The following KANSL1 variants were observed in gnomAD, a reference collection of about 807,000 sequenced individuals.
KANSL1 encodes the protein MLL1/MLL complex subunit KANSL1.
In KANSL1, 22 loss-of-function variants were observed where a neutral mutation model predicts 103.6. The ratio of observed to expected loss-of-function variants is 0.21; its 90% confidence interval spans 0.15 to 0.30. The LOEUF (loss-of-function observed/expected upper bound fraction) is 0.30, where lower values mean the gene tolerates loss of function less well. KANSL1 is among the 10% of genes least tolerant of loss of function. The pLI is 1.00. For synonymous variants in KANSL1, 600 were observed against 527.6 expected (o/e 1.14, Z -1.88); for missense variants, 1,337 against 1,399.8 (o/e 0.96, Z 0.72).
chr17:46,035,579 A>C (rs1210251509), intron 10 of KANSL1: 1 of 152,178 alleles, frequency 6.6e-6, no homozygotes, highest in African/African-American at 2.4e-5. Flanking sequence ...GGTTAAACAG[A>C]CTTTTGGGGA....
At position 46,171,212 on chromosome 17, in the gene KANSL1, T is replaced by C. The variant is rs1555575305; in HGVS notation, c.932A>G (p.Lys311Arg). ...ATGTTGTATATGCCTCTCAACCTGC[T>C]TGGCTTGCACAACCTGTAAGCGCTT... ...LQKRLQVVQA[K>R]QVERHIQHQL... The change falls in exon 2 of 15, where the codon AAG (lysine) becomes AGG (arginine). Residue 311 changes from lysine (K) to arginine (R), a missense_variant. Lys to Arg is a conservative substitution (Grantham distance 26, BLOSUM62 2). Transcript: ENST00000432791. The C allele has an allele frequency of 1.2e-6, 2 of 1,614,014 alleles. No individual in the cohort carries two copies. Among genetic ancestry groups the C allele is most frequent in the South Asian group, 1.1e-5 (1 of 91,090 alleles).
intron 3 of KANSL1, among the ~76,000 whole-genome samples, chr17:46,083,354 G>A (rs894922840): frequency 6.6e-6 from 1 of 152,018 alleles, no homozygotes; most frequent in African/African-American, 2.4e-5. Context: ...AGTGATCAGG[G>A]TTCCCAATCT....
At chr17:46,052,624 A>T (rs1176066069) in intron 6 of KANSL1, among the ~76,000 whole-genome samples, 1 of 147,008 alleles carries the variant, frequency 6.8e-6, no homozygotes, top group Non-Finnish European at 1.5e-5. Context: ...AAACAAACAA[A>T]AAAACAAAAC....
intron 7 of KANSL1, among the ~76,000 whole-genome samples, chr17:46,048,815 T>A (rs1321992226): frequency 6.6e-6 from 1 of 152,244 alleles, no homozygotes; most frequent in East Asian, 1.9e-4. Context: ...GAATACTACA[T>A]AATGCTTTAA....
At chr17:46,125,097 GGAGA>G (rs1567702820) in intron 2 of KANSL1, among the ~76,000 whole-genome samples, 2 of 77,576 alleles carry the variant, frequency 2.6e-5, no homozygotes, top group Non-Finnish European at 2.8e-5. Context: ...AGGGAGGGAG[GGAGA>G]GAGGGAGGGA....
chr17:46,219,409 C>T (rs183000949), intron 1 of KANSL1, among the ~76,000 whole-genome samples: 8,130 of 133,204 alleles, frequency 0.061, no homozygotes, highest in Middle Eastern at 0.12. Flanking sequence ...ATCACCCAGG[C>T]TGGACTGCAG....
chr17:46,158,412 G>A, intron 2 of KANSL1, among the ~76,000 whole-genome samples: 1 of 151,212 alleles, frequency 6.6e-6, no homozygotes, highest in Non-Finnish European at 1.5e-5. Context: ...CAGCTGGAGT[G>A]CGGTGGCACG....
chr17:46,198,105 C>T (rs1389819809), upstream of KANSL1, among the ~76,000 whole-genome samples: 10 of 152,132 alleles, frequency 6.6e-5, no homozygotes, highest in East Asian at 1.9e-3. Context: ...AAAAGAGACA[C>T]ATCATAAGAA....
intron 1 of KANSL1, among the ~76,000 whole-genome samples, chr17:46,186,880 A>G (rs1597917298): frequency 6.6e-6 from 1 of 150,492 alleles, no homozygotes; most frequent in Non-Finnish European, 1.5e-5. Flanking sequence ...GGCATGCGCC[A>G]CCATGTCCAG....
chr17:46,095,447 T>C (rs2042020033), intron 2 of KANSL1, among the ~76,000 whole-genome samples: 1 of 152,140 alleles, frequency 6.6e-6, no homozygotes, highest in East Asian at 1.9e-4. Context: ...CCTCAAAACG[T>C]AGAACTAGAT....
At chr17:46,099,688 G>T (rs1182386376) in intron 2 of KANSL1, among the ~76,000 whole-genome samples, 1 of 152,208 alleles carries the variant, frequency 6.6e-6, no homozygotes, top group African/African-American at 2.4e-5. Context: ...TTAACTATGT[G>T]CCTGAGTAGG....
chr17:46,190,710 G>A (rs1032174018), intron 1 of KANSL1, among the ~76,000 whole-genome samples: 3 of 152,190 alleles, frequency 2.0e-5, no homozygotes, highest in African/African-American at 7.2e-5. Context: ...AAAATAAAAA[G>A]TCAATCACCT....
chr17:46,180,594 G>A (rs1219309169), intron 1 of KANSL1, among the ~76,000 whole-genome samples: 3 of 152,222 alleles, frequency 2.0e-5, no homozygotes, highest in African/African-American at 4.8e-5. Flanking sequence ...GCTGAGGCAT[G>A]AGAATCACTT....
intron 2 of KANSL1, among the ~76,000 whole-genome samples, chr17:46,158,426 G>C (rs1052808081): frequency 2.0e-5 from 3 of 149,850 alleles, no homozygotes; most frequent in African/African-American, 7.4e-5. Flanking sequence ...TGGCACGATC[G>C]ATCTCGGCTC....
At chr17:46,119,146 T>C (rs2147171293) in intron 2 of KANSL1, among the ~76,000 whole-genome samples, 1 of 152,338 alleles carries the variant, frequency 6.6e-6, no homozygotes, top group East Asian at 1.9e-4. Flanking sequence ...TACATGACTT[T>C]TCATCATTTC....
At chr17:46,208,164 C>A (rs1415188154) in intron 1 of KANSL1, among the ~76,000 whole-genome samples, 1 of 152,028 alleles carries the variant, frequency 6.6e-6, no homozygotes, top group Non-Finnish European at 1.5e-5. Context: ...GATAAATACA[C>A]GAGATGCTAA....
rs1430067612 is a variant in KANSL1, at chr17:46,033,625, C to T, written c.2667-165G>A. On this transcript the variant is annotated intron_variant, in intron 11 of 14. Coordinates refer to ENST00000432791, the MANE Select transcript of KANSL1 (RefSeq NM_015443.4). ...GCTCAGTCTCCCTACCCTGTCAAGG[C>T]CTGTGAAATTGGCCACCTACTCAAA... 6.2e-6 allele frequency: 4 copies of T among 646,910 alleles called. No individual in the cohort carries two copies. The African/African-American group carries it at 7.3e-5, about 12-fold the overall frequency. The allele number at this position is 646,910 out of a possible 1,614,324, so 40.1% of individuals were successfully genotyped here.
intron 1 of KANSL1, among the ~76,000 whole-genome samples, chr17:46,201,319 T>C (rs895565792): frequency 6.6e-6 from 1 of 152,250 alleles, no homozygotes; most frequent in Non-Finnish European, 1.5e-5. Context: ...ACTGAATATA[T>C]GCAGGAGCAA....
At chr17:46,122,288 C>T (rs561069866) in intron 2 of KANSL1, among the ~76,000 whole-genome samples, 1 of 152,354 alleles carries the variant, frequency 6.6e-6, no homozygotes, top group Non-Finnish European at 1.5e-5. Context: ...CTGCTGCCTT[C>T]GGGATGTCCC....
Sources: gnomAD v4.1 joint callset for allele counts (sites outside exome capture counted in the v4.1 genomes callset) on GRCh38, gnomAD v4.1.1 for gene constraint, MANE v1.5 for transcripts, NCBI Gene and HGNC (gene_info 2026-07-23, HGNC 2026-07-21) for gene names.